FLVCR2: variants seen among roughly 807,000 people sequenced by gnomAD.
FLVCR2 encodes choline/ethanolamine transporter FLVCR2.
FLVCR2 carries 38 observed loss-of-function variants against 48.9 expected under a neutral mutation model. The ratio of observed to expected loss-of-function variants is 0.78; its 90% CI spans 0.60 to 1.02. The LOEUF is 1.02. Ranked by LOEUF, FLVCR2 falls within the 50% of genes least tolerant of loss-of-function variation. FLVCR2 has a pLI of 0.00. For missense variants in FLVCR2, 664 were observed against 663.3 expected (o/e 1.00, Z -0.01); for synonymous variants, 255 against 257.0 (o/e 0.99, Z 0.07).
At chr14:75,605,658 T>C (rs1262461443) in intron 1 of FLVCR2, 2 of 1,533,572 alleles carry the variant, frequency 1.3e-6, no homozygotes, top group South Asian at 1.2e-5. Context: ...CCCAACTTCT[T>C]TGGGTTCAGC....
At chr14:75,587,363 T>TC (rs907660774) in intron 1 of FLVCR2, among the ~76,000 whole-genome samples, 57 of 152,302 alleles carry the variant, frequency 3.7e-4, no homozygotes, top group African/African-American at 8.2e-4. Context: ...ATTTAATTTT[T>TC]CCCCCCGTCT....
At chr14:75,611,328 C>T (rs1035358255) in intron 1 of FLVCR2, among the ~76,000 whole-genome samples, 1 of 152,134 alleles carries the variant, frequency 6.6e-6, no homozygotes, top group Non-Finnish European at 1.5e-5. Context: ...CTGTGGCATT[C>T]ACCTTGTCCG....
intron 1 of FLVCR2, among the ~76,000 whole-genome samples, chr14:75,616,497 T>A (rs117690160): frequency 0.025 from 3,781 of 152,212 alleles, 55 homozygotes; most frequent in Non-Finnish European, 0.037. Flanking sequence ...ATATATATAT[T>A]TTTTAATTGA....
intron 1 of FLVCR2, among the ~76,000 whole-genome samples, chr14:75,616,133 T>C (rs1889611464): frequency 6.7e-6 from 1 of 150,298 alleles, no homozygotes; most frequent in Non-Finnish European, 1.5e-5. Flanking sequence ...GAGACCAGCC[T>C]AGGCAACATA....
At chr14:75,598,773 G>C (rs568238987) in intron 1 of FLVCR2, among the ~76,000 whole-genome samples, 1 of 152,264 alleles carries the variant, frequency 6.6e-6, no homozygotes, top group Admixed American at 6.5e-5. Flanking sequence ...ATCACCCAGC[G>C]CATGCCTTGG....
In FLVCR2 at chr14:75,646,902, A is replaced by G. The variant is rs981877706; in HGVS notation, c.*430A>G. On this transcript the variant is annotated 3_prime_UTR_variant, in exon 10 of 10. Transcript: ENST00000238667. ...GAGCCTCTCATGAAGCCCAGTTCTA[A>G]TAAGTGGCAAGCTGCTCTGCCGGGG... The G allele has an allele frequency of 8.8e-5, 24 of 272,778 alleles. No homozygotes were observed. The South Asian group carries it at 1.0e-3, about 11-fold the overall frequency. The allele number at this position is 272,778 out of a possible 1,614,324, so 16.9% of individuals were successfully genotyped here.
intron 9 of FLVCR2, among the ~76,000 whole-genome samples, 160 bp from the exon 10 acceptor site, chr14:75,646,241 G>T (rs920486246): frequency 7.2e-5 from 11 of 152,176 alleles, no homozygotes; most frequent in Admixed American, 5.2e-4. Flanking sequence ...GGCAGGGGCT[G>T]GTTGCTTCTT....
intron 9 of FLVCR2, among the ~76,000 whole-genome samples, chr14:75,642,572 CA>C (rs1448285123): frequency 1.3e-5 from 2 of 151,784 alleles, no homozygotes; most frequent in Non-Finnish European, 1.5e-5. Flanking sequence ...TGAGAAAGAG[CA>C]AAGGTAAGAT....
At chr14:75,579,851 G>C (rs1362915671) in intron 1 of FLVCR2, among the ~76,000 whole-genome samples, 1 of 152,164 alleles carries the variant, frequency 6.6e-6, no homozygotes, top group Non-Finnish European at 1.5e-5. Flanking sequence ...AGTTGCTCTT[G>C]CCCCAGCCAA....
chr14:75,615,247 G>A (rs779974029), intron 1 of FLVCR2, among the ~76,000 whole-genome samples: 11 of 152,190 alleles, frequency 7.2e-5, no homozygotes, highest in Admixed American at 1.3e-4. Context: ...GATTCAAAGA[G>A]GACTTTGCAG....
intron 1 of FLVCR2, among the ~76,000 whole-genome samples, chr14:75,607,146 C>T (rs938120440): frequency 6.6e-6 from 1 of 152,192 alleles, no homozygotes; most frequent in Admixed American, 6.5e-5. Flanking sequence ...TACCTGTCCT[C>T]TTTGGGCATC....
rs149571997 is a variant in FLVCR2, at chr14:75,596,332, A to G, written c.669+16691A>G. Reference sequence around the variant, plus strand: ...AGAAAACAAGGCCAGTAGTGACTAAAGGTAGACGGGGTAGGTCTGAGACCA... The same window carrying G: ...AGAAAACAAGGCCAGTAGTGACTAAGGGTAGACGGGGTAGGTCTGAGACCA... On this transcript the variant is annotated intron_variant, in intron 1 of 9. Coordinates refer to ENST00000238667, the MANE Select transcript of FLVCR2 (RefSeq NM_017791.3). The G allele has an allele frequency of 3.9e-3, 1,480 of 380,290 alleles. 12 individuals are homozygous for G. Among genetic ancestry groups the G allele is most frequent in the South Asian group, 0.022 (731 of 33,356 alleles). 23.6% of individuals were successfully genotyped at this position (380,290 alleles called of 1,614,324 possible).
At chr14:75,624,553 C>T in intron 2 of FLVCR2, 59 bp from the exon 3 acceptor site, 18 of 1,606,008 alleles carry the variant, frequency 1.1e-5, no homozygotes, top group Non-Finnish European at 1.5e-5. Flanking sequence ...CATGTGGAAC[C>T]AGCTCTTCTG....
chr14:75,585,767 G>A (rs188415212), intron 1 of FLVCR2, among the ~76,000 whole-genome samples: 78 of 152,272 alleles, frequency 5.1e-4, no homozygotes, highest in Middle Eastern at 6.8e-3. Flanking sequence ...GTCCATGACC[G>A]GTGCCGGAGT....
At chr14:75,581,702 G>A (rs576292970) in intron 1 of FLVCR2, among the ~76,000 whole-genome samples, 8 of 152,178 alleles carry the variant, frequency 5.3e-5, no homozygotes, top group African/African-American at 1.9e-4. Context: ...TTCCTGACTC[G>A]GGGCATGTGA....
intron 9 of FLVCR2, among the ~76,000 whole-genome samples, chr14:75,642,747 TTATAA>T (rs1329686132): frequency 6.6e-6 from 1 of 152,254 alleles, no homozygotes; most frequent in Non-Finnish European, 1.5e-5. Context: ...CTGTATCCAC[TTATAA>T]TATATACGTG....
rs1888532407 is a variant in FLVCR2 at position 75,579,208 on chromosome 14, A to C, written c.236A>C (p.Lys79Thr). The change falls in exon 1 of 10, where the codon AAG becomes ACG. Residue 79 changes from lysine to threonine, a missense_variant. Lys to Thr is a moderately conservative substitution (Grantham distance 78). Transcript: ENST00000238667. ...SSGPEDLSVI[K>T]VSRRRWAVVL... ...GGCCCTGAGGACCTCAGCGTGATCA[A>C]GGTGAGCAGGCGCCGTTGGGCCGTG... 6.2e-7 allele frequency: 1 copy of C among 1,614,188 alleles called. No individual in the cohort carries two copies. The highest frequency in any genetic ancestry group is 8.5e-7 in the Non-Finnish European group (1 of 1,180,032).
At chr14:75,617,577 T>C (rs1214255748) in intron 1 of FLVCR2, among the ~76,000 whole-genome samples, 1 of 152,216 alleles carries the variant, frequency 6.6e-6, no homozygotes, top group East Asian at 1.9e-4. Flanking sequence ...TGTGTGACCT[T>C]GAGCAAGTCA....
chr14:75,579,566 CT>C lies in FLVCR2; in HGVS notation c.595del (p.Ser199ProfsTer58). On this transcript the variant is annotated frameshift_variant, in exon 1 of 10. Coordinates refer to ENST00000238667, the MANE Select transcript of FLVCR2 (RefSeq NM_017791.3). LOFTEE classifies it high-confidence loss of function. ...CCCAGGTTTTCATCCTGGGCATGCC[CT>C]CCCGCATCGCTTCCGTCTGGTTCGG... Reference protein sequence around the residue: ...VAQVFILGMPSRIASVWFGAN... With the variant: ...VAQVFILGMPXRIASVWFGAN... 1 of 1,614,086 alleles carries C rather than the reference CT, an allele frequency of 6.2e-7. No homozygotes were observed. The highest frequency in any genetic ancestry group is 8.5e-7 in the Non-Finnish European group (1 of 1,180,030).
Sources: allele counts gnomAD v4.1 joint callset (sites outside exome capture counted in the v4.1 genomes callset), GRCh38; gene constraint gnomAD v4.1.1; transcripts MANE v1.5; gene names NCBI Gene and HGNC (gene_info 2026-07-23, HGNC 2026-07-21).